CHD2: variants seen among roughly 807,000 people sequenced by gnomAD.
CHD2 encodes ATP-dependent chromatin remodeler CHD2.
In CHD2, 28 loss-of-function variants were observed where a neutral mutation model predicts 243.9. The observed-to-expected ratio is 0.11, with a 90% CI of 0.09 to 0.16. CHD2 has a LOEUF of 0.16. Ranked by LOEUF, CHD2 falls within the 10% of genes least tolerant of loss-of-function variation. The pLI, the probability that CHD2 is intolerant of heterozygous loss-of-function variation, is 1.00. For missense variants in CHD2, 1,386 were observed against 2,209.8 expected (o/e 0.63, Z 7.47); for synonymous variants, 775 against 779.0 (o/e 0.99, Z 0.09).
chr15:93,019,297 A>C (rs1241367196), intron 37 of CHD2, among the ~76,000 whole-genome samples: 2 of 152,182 alleles, frequency 1.3e-5, no homozygotes, highest in African/African-American at 4.8e-5. Flanking sequence ...CGCAGCTGTG[A>C]AACTCAGCGG....
chr15:92,946,456 T>TG (rs2053469788), intron 12 of CHD2: 1 of 338,394 alleles, frequency 3.0e-6, no homozygotes, highest in African/African-American at 2.1e-5. Context: ...AGAGAATACT[T>TG]GAAAGGATTT....
At chr15:92,903,016 C>T (rs1035433862) in intron 2 of CHD2, among the ~76,000 whole-genome samples, 3 of 152,166 alleles carry the variant, frequency 2.0e-5, no homozygotes, top group Middle Eastern at 3.2e-3. Flanking sequence ...GAAGCATGTA[C>T]TGACTGTACT....
At chr15:92,995,029 A>G (rs555106591) in intron 28 of CHD2, among the ~76,000 whole-genome samples, 96 of 152,192 alleles carry the variant, frequency 6.3e-4, no homozygotes, top group Non-Finnish European at 1.2e-3. Flanking sequence ...ACATAATTAC[A>G]TATTTGCTTT....
At position 92,997,133 on chromosome 15, in the gene CHD2, C is replaced by A. The variant is rs367836239; in HGVS notation, c.3734+38C>A. On this transcript the variant is annotated intron_variant, in intron 29 of 38. Coordinates refer to ENST00000394196, the MANE Select transcript of CHD2 (RefSeq NM_001271.4). This position sits in a 1 kb window ranked among gnomAD's most constrained non-coding sequence, Gnocchi z 4.1. ...TGTGTACATGCTTAGATGGTCGTAC[C>A]GTAAGAAAATAGATTTGAAGTTAGA... 2 of 1,604,198 alleles carry A rather than the reference C, an allele frequency of 1.2e-6. No individual in the cohort carries two copies. Among genetic ancestry groups the A allele is most frequent in the Admixed American group, 1.7e-5 (1 of 57,918 alleles).
chr15:92,972,914 C>G (rs1436969859), intron 19 of CHD2, among the ~76,000 whole-genome samples: 1 of 151,786 alleles, frequency 6.6e-6, no homozygotes, highest in Middle Eastern at 3.2e-3. Context: ...TGCCTTTAGG[C>G]TACCATATGA....
At chr15:93,002,523 A>G (rs2054270357) in intron 33 of CHD2, among the ~76,000 whole-genome samples, 1 of 152,244 alleles carries the variant, frequency 6.6e-6, no homozygotes, top group African/African-American at 2.4e-5. Context: ...TTCTTTAAAA[A>G]AGAAGGCCTT....
intron 20 of CHD2, among the ~76,000 whole-genome samples, chr15:92,976,573 G>T (rs1460683171): frequency 1.3e-5 from 2 of 151,632 alleles, no homozygotes; most frequent in East Asian, 3.9e-4. Context: ...TTAGCACTTT[G>T]GGAGGCCAAG....
intron 26 of CHD2, among the ~76,000 whole-genome samples, chr15:92,989,053 T>TG (rs2054082947): frequency 8.2e-6 from 1 of 122,402 alleles, no homozygotes; most frequent in Non-Finnish European, 1.7e-5. Flanking sequence ...TTTTTTGAGA[T>TG]GGAGTTTTGC....
chr15:92,950,872 T>TA (rs1207639500), intron 13 of CHD2, among the ~76,000 whole-genome samples: 1 of 152,232 alleles, frequency 6.6e-6, no homozygotes, highest in African/African-American at 2.4e-5. Flanking sequence ...TCCTACTTTT[T>TA]ATCTGATAAA....
intron 2 of CHD2, among the ~76,000 whole-genome samples, chr15:92,919,317 T>C (rs1320770920): frequency 4.0e-5 from 6 of 151,532 alleles, no homozygotes; most frequent in Admixed American, 6.6e-5. Flanking sequence ...CTTTTTTTTT[T>C]CTTCTTTAAG....
intron 31 of CHD2, among the ~76,000 whole-genome samples, chr15:92,999,626 G>A (rs2054228818): frequency 6.6e-6 from 1 of 151,588 alleles, no homozygotes; most frequent in Non-Finnish European, 1.5e-5. Context: ...GCAAATTTGA[G>A]GAAAAAAACC....
rs12915582 is a variant in CHD2, at chr15:93,009,100, C to T, written c.4414-45C>T. ...CACAGTAAGCAAAGGACAAGACTTA[C>T]TTTCTGCAGATTGTTTATGTCTTTA... On this transcript the variant is annotated intron_variant, in intron 34 of 38. Transcript: ENST00000394196. The T allele has an allele frequency of 0.83, 1,327,080 of 1,595,458 alleles. 555,866 individuals are homozygous for T. The highest frequency in any genetic ancestry group is 1 in the East Asian group (44,361 of 44,436).
intron 16 of CHD2, among the ~76,000 whole-genome samples, chr15:92,957,758 A>G (rs1055445622): frequency 1.3e-5 from 2 of 151,800 alleles, no homozygotes; most frequent in Non-Finnish European, 1.5e-5. Context: ...AACCATCATC[A>G]TTGTCCAGTT....
intron 5 of CHD2, among the ~76,000 whole-genome samples, chr15:92,935,180 C>T (rs910274108): frequency 2.6e-5 from 4 of 151,912 alleles, no homozygotes; most frequent in African/African-American, 7.3e-5. Context: ...GGACTACGGG[C>T]GCCCGCCACC....
At chr15:92,940,243 C>G (rs1013888910) in intron 7 of CHD2, among the ~76,000 whole-genome samples, 1 of 152,082 alleles carries the variant, frequency 6.6e-6, no homozygotes, top group Non-Finnish European at 1.5e-5. Flanking sequence ...TGCTTGAGCC[C>G]AGGGGTTTGA....
intron 36 of CHD2, among the ~76,000 whole-genome samples, chr15:93,013,314 C>T (rs1228807868): frequency 2.6e-5 from 4 of 151,450 alleles, no homozygotes; most frequent in Non-Finnish European, 5.9e-5. Context: ...CGGAAAGGCC[C>T]CAGGAGGGAA....
At chr15:92,955,306 A>C (rs2053605003) in intron 14 of CHD2, 117 bp from the exon 15 acceptor site, 1 of 577,880 alleles carries the variant, frequency 1.7e-6, no homozygotes, top group South Asian at 2.9e-5. Context: ...ATATTCATTG[A>C]ATTCTAATCA....
rs61447848 is a variant in CHD2, at chr15:92,965,565, C to CAA, written c.2001-1731_2001-1730dup. Among the ~76,000 whole-genome samples, 933 of 110,818 alleles carry CAA rather than the reference C, an allele frequency of 8.4e-3. 35 individuals carry two copies. The highest frequency in any genetic ancestry group is 0.011 in the African/African-American group (254 of 22,384). The allele number at this position is 110,818 out of a possible 152,430, so 72.7% of individuals were successfully genotyped here. On this transcript the variant is annotated intron_variant, in intron 16 of 38. Transcript: ENST00000394196. ...GGCGACAGAGCCGAGACTCTTTCTC[C>CAA]AAAAAAAAAAAAAAAAAAAAAAAAA...
intron 13 of CHD2, among the ~76,000 whole-genome samples, chr15:92,951,260 TC>T (rs1197813391): frequency 6.6e-6 from 1 of 152,138 alleles, no homozygotes; most frequent in Non-Finnish European, 1.5e-5. Flanking sequence ...AACCTCCGAT[TC>T]CCAGGTTCAC....
Sources: gnomAD v4.1 joint callset for allele counts (sites outside exome capture counted in the v4.1 genomes callset) on GRCh38, gnomAD v4.1.1 for gene constraint, Gnocchi (gnomAD v3.1) non-coding constraint, MANE v1.5 for transcripts, NCBI Gene and HGNC (gene_info 2026-07-23, HGNC 2026-07-21) for gene names.